NCAM1: variants seen among roughly 807,000 people sequenced by gnomAD.
NCAM1 encodes neural cell adhesion molecule 1, also known as antigen recognized by monoclonal antibody 5.1H11.
Under a neutral mutation model 109.8 loss-of-function variants are expected in NCAM1, and 14 were observed. That is an observed-to-expected ratio of 0.13 (90% confidence interval 0.08 to 0.20). The LOEUF (loss-of-function observed/expected upper bound fraction) is 0.20, where lower values mean the gene tolerates loss of function less well. NCAM1 is among the 10% of genes least tolerant of loss of function. The pLI is 1.00. For missense variants in NCAM1, 774 were observed against 1,109.9 expected (o/e 0.70, Z 4.30); for synonymous variants, 418 against 442.9 (o/e 0.94, Z 0.70).
At chr11:113,245,687 A>T (rs540745933) in intron 14 of NCAM1, among the ~76,000 whole-genome samples, 1 of 152,280 alleles carries the variant, frequency 6.6e-6, no homozygotes, top group South Asian at 2.1e-4. Context: ...AAGATCCTCA[A>T]AGCCACCATC....
At chr11:113,139,095 T>C (rs561469783) in intron 1 of NCAM1, among the ~76,000 whole-genome samples, 2 of 152,366 alleles carry the variant, frequency 1.3e-5, no homozygotes, top group South Asian at 4.1e-4. Flanking sequence ...CAAGGCTTTC[T>C]TTGAAAGAGC....
chr11:113,105,086 C>T (rs1319191519), intron 1 of NCAM1, among the ~76,000 whole-genome samples: 3 of 152,218 alleles, frequency 2.0e-5, no homozygotes, highest in African/African-American at 7.2e-5. Context: ...CAAAGTTTGG[C>T]TCAAACATCT....
At chr11:112,988,751 A>AT (rs140491695) in intron 1 of NCAM1, among the ~76,000 whole-genome samples, 65,880 of 137,656 alleles carry the variant, frequency 0.48, 17,066 homozygotes, top group Middle Eastern at 0.62. Context: ...TTTCAACAGT[A>AT]TTTTTTTTTT....
chr11:113,217,204 C>T (rs1242875952), intron 8 of NCAM1, among the ~76,000 whole-genome samples: 1 of 152,172 alleles, frequency 6.6e-6, no homozygotes, highest in Admixed American at 6.5e-5. Flanking sequence ...GCATCCTTGC[C>T]AGGAAGCCAG....
At chr11:113,263,431 A>G in intron 17 of NCAM1, 1 of 988,828 alleles carries the variant, frequency 1.0e-6, no homozygotes, top group Non-Finnish European at 1.2e-6. Context: ...ATGTTAAAAG[A>G]GCCAGACCGC....
intron 15 of NCAM1, among the ~76,000 whole-genome samples, chr11:113,252,865 G>A (rs1229174361): frequency 1.5e-5 from 2 of 129,910 alleles, no homozygotes; most frequent in African/African-American, 5.9e-5. Context: ...TGGCCAGGCT[G>A]GTCACAAAAT....
intron 1 of NCAM1, among the ~76,000 whole-genome samples, chr11:113,191,775 AT>A (rs1565489546): frequency 2.7e-4 from 9 of 33,062 alleles, no homozygotes; most frequent in Non-Finnish European, 8.4e-4. Context: ...GTGTGTGTGT[AT>A]ATATATATAT....
intron 1 of NCAM1, among the ~76,000 whole-genome samples, chr11:113,200,942 T>C (rs1944035583): frequency 1.3e-5 from 2 of 152,270 alleles, no homozygotes; most frequent in Non-Finnish European, 2.9e-5. Flanking sequence ...ACTCTATTTC[T>C]TCCAAACCAG....
At chr11:113,066,783 G>A (rs1191739034) in intron 1 of NCAM1, among the ~76,000 whole-genome samples, 3 of 151,902 alleles carry the variant, frequency 2.0e-5, no homozygotes, top group Non-Finnish European at 2.9e-5. Flanking sequence ...GGTGGATCAC[G>A]AGGTCAGGAG....
chr11:113,219,710 G>T (rs1209287440), intron 8 of NCAM1, among the ~76,000 whole-genome samples: 1 of 152,138 alleles, frequency 6.6e-6, no homozygotes, highest in Non-Finnish European at 1.5e-5. Context: ...TAGTGATTTG[G>T]GAGAGACACA....
At chr11:113,116,330 T>C (rs1414052328) in intron 1 of NCAM1, among the ~76,000 whole-genome samples, 4 of 152,172 alleles carry the variant, frequency 2.6e-5, no homozygotes, top group Non-Finnish European at 5.9e-5. Context: ...TGTTATGCCT[T>C]CATTATAGAA....
At chr11:113,155,705 AT>A (rs1322439238) in intron 1 of NCAM1, among the ~76,000 whole-genome samples, 1 of 151,926 alleles carries the variant, frequency 6.6e-6, no homozygotes, top group Non-Finnish European at 1.5e-5. Flanking sequence ...GCCCAGTTAT[AT>A]GTCCTTTTCT....
Position 113,207,935 on chromosome 11 carries a change from T to C in NCAM1, c.849T>C (p.Ala283=). 1.2e-6 allele frequency: 2 copies of C among 1,612,664 alleles called. No individual in the cohort carries two copies. Among genetic ancestry groups the C allele is most frequent in the Non-Finnish European group, 8.5e-7 (1 of 1,179,394 alleles). ...TIKKVDKNDE[A]EYICIAENKA... ...AAAAGGTGGATAAGAACGACGAGGC[T>C]GAGTACATCTGCATTGCTGAGAACA... is the stretch of plus-strand genomic sequence containing the variant. The change falls in exon 7 of 20, where the codon GCT becomes GCC. Residue 283 remains alanine (A), a synonymous_variant. Coordinates refer to ENST00000316851, the MANE Select transcript of NCAM1 (RefSeq NM_181351.5).
chr11:113,069,495 T>A (rs1938158357), intron 1 of NCAM1, among the ~76,000 whole-genome samples: 1 of 152,122 alleles, frequency 6.6e-6, no homozygotes, highest in Non-Finnish European at 1.5e-5. Flanking sequence ...GGAAGCAGTA[T>A]GGAGAAGGAC....
intron 1 of NCAM1, among the ~76,000 whole-genome samples, chr11:113,087,873 A>G (rs1186308468): frequency 6.6e-6 from 1 of 152,206 alleles, no homozygotes; most frequent in African/African-American, 2.4e-5. Context: ...GTCAGAGGAC[A>G]TGGTCTATCC....
At position 113,013,460 on chromosome 11, in the gene NCAM1, A is replaced by G. The variant is rs1952126608; in HGVS notation, c.52+51796A>G. ...AAAAAAAAAAAAGAAGCGAAAGAAAAAAGAAAAATCCACAAAAATGTTGAT... is the reference window on the plus strand; with the variant it reads ...AAAAAAAAAAAAGAAGCGAAAGAAAGAAGAAAAATCCACAAAAATGTTGAT... On this transcript the variant is annotated intron_variant, in intron 1 of 19. Transcript: ENST00000316851. Among the ~76,000 whole-genome samples the G allele has an allele frequency of 2.6e-5, 4 of 151,976 alleles. No homozygotes were observed. In the South Asian group the frequency reaches 8.3e-4, roughly 32 times the overall value.
At chr11:113,107,297 G>T (rs571922223) in intron 1 of NCAM1, among the ~76,000 whole-genome samples, 1 of 152,236 alleles carries the variant, frequency 6.6e-6, no homozygotes, top group African/African-American at 2.4e-5. Flanking sequence ...GTTCTCAAGG[G>T]GTTGAAATAC....
At chr11:113,243,439 A>G (rs572452165) in intron 14 of NCAM1, 41 of 381,804 alleles carry the variant, frequency 1.1e-4, no homozygotes, top group Non-Finnish European at 2.0e-4. Flanking sequence ...AATGATGGGC[A>G]GAAAAAGCCT....
At chr11:113,258,435 T>C (rs966379468) in intron 16 of NCAM1, among the ~76,000 whole-genome samples, 1 of 152,166 alleles carries the variant, frequency 6.6e-6, no homozygotes, top group Non-Finnish European at 1.5e-5. Context: ...CTGCATGGAA[T>C]AGAAAAACCT....
Sources: allele counts gnomAD v4.1 joint callset (sites outside exome capture counted in the v4.1 genomes callset), GRCh38; gene constraint gnomAD v4.1.1; transcripts MANE v1.5; gene names NCBI Gene and HGNC (gene_info 2026-07-23, HGNC 2026-07-21).